Variants in OPCML observed in about 807,000 individuals in gnomAD.
The protein encoded by OPCML is opioid binding protein/cell adhesion molecule like, also known as opioid-binding protein/cell adhesion molecule.
OPCML carries 13 observed loss-of-function variants against 37.8 expected under a neutral mutation model. The observed-to-expected ratio is 0.34, with a 90% CI of 0.22 to 0.55. The LOEUF is 0.55. Among genes scored for constraint, OPCML ranks in the 20% least tolerant of loss-of-function variants. OPCML has a pLI of 0.91. For missense variants in OPCML, 341 were observed against 435.6 expected (o/e 0.78, Z 1.93); for synonymous variants, 176 against 168.8 (o/e 1.04, Z -0.33).
At chr11:133,441,980 CTAA>C (rs1027938856) in intron 1 of OPCML, among the ~76,000 whole-genome samples, 1 of 151,956 alleles carries the variant, frequency 6.6e-6, no homozygotes, top group African/African-American at 2.4e-5. Flanking sequence ...TAATAAAATG[CTAA>C]TAATAATAAT....
intron 4 of OPCML, among the ~76,000 whole-genome samples, chr11:132,471,344 TATTA>T (rs1177622546): frequency 2.0e-5 from 3 of 152,208 alleles, no homozygotes; most frequent in African/African-American, 7.2e-5. Context: ...CTCAGTTATC[TATTA>T]ATTATCTATT....
At chr11:132,715,387 C>T (rs553439025) in intron 2 of OPCML, among the ~76,000 whole-genome samples, 2 of 152,210 alleles carry the variant, frequency 1.3e-5, no homozygotes, top group African/African-American at 4.8e-5. Context: ...AACACAGACT[C>T]TGAAACTGGG....
intron 1 of OPCML, among the ~76,000 whole-genome samples, chr11:132,993,868 G>A (rs1946827626): frequency 6.6e-6 from 1 of 152,068 alleles, no homozygotes; most frequent in African/African-American, 2.4e-5. Context: ...ACTGCATTTT[G>A]AAATCCTTTC....
chr11:133,490,496 A>T (rs1166583340), intron 1 of OPCML, among the ~76,000 whole-genome samples: 1 of 152,174 alleles, frequency 6.6e-6, no homozygotes, highest in Non-Finnish European at 1.5e-5. Context: ...GTGAAGTAAA[A>T]CGAGGGTCAG....
At chr11:132,937,595 G>GGGGTGTGT (rs1480686802) in intron 2 of OPCML, among the ~76,000 whole-genome samples, 1 of 88,734 alleles carries the variant, frequency 1.1e-5, no homozygotes, top group African/African-American at 3.7e-5. Context: ...GCGTGTGTGG[G>GGGGTGTGT]GTGTGTGTGT....
chr11:132,714,231 A>G (rs1166202996), intron 2 of OPCML, among the ~76,000 whole-genome samples: 2 of 152,198 alleles, frequency 1.3e-5, no homozygotes, highest in African/African-American at 4.8e-5. Context: ...TTTCCTTAAG[A>G]TGTTAAGACA....
chr11:132,619,639 C>T (rs1212122979), intron 3 of OPCML, among the ~76,000 whole-genome samples: 5 of 150,136 alleles, frequency 3.3e-5, no homozygotes, highest in African/African-American at 1.2e-4. Flanking sequence ...GAGATCAAGA[C>T]CATCCTGGCT....
intron 3 of OPCML, among the ~76,000 whole-genome samples, chr11:132,579,086 C>A (rs1056692851): frequency 6.6e-6 from 1 of 152,080 alleles, no homozygotes; most frequent in African/African-American, 2.4e-5. Flanking sequence ...TTTTCTAGGG[C>A]AGACAGTAAT....
chr11:132,459,431 A>G (rs2096093232), intron 4 of OPCML, among the ~76,000 whole-genome samples: 2 of 150,142 alleles, frequency 1.3e-5, no homozygotes. Flanking sequence ...ATACATACAT[A>G]CATACATACA....
intron 4 of OPCML, among the ~76,000 whole-genome samples, chr11:132,485,774 A>T (rs868234812): frequency 5.3e-5 from 8 of 152,228 alleles, no homozygotes; most frequent in Non-Finnish European, 8.8e-5. Flanking sequence ...GGATGAATAC[A>T]GCATCATTTG....
At chr11:132,837,760 A>C (rs1941100464) in intron 2 of OPCML, among the ~76,000 whole-genome samples, 1 of 152,198 alleles carries the variant, frequency 6.6e-6, no homozygotes, top group African/African-American at 2.4e-5. Context: ...TCCATGAGGC[A>C]GACTGGATGG....
At chr11:133,092,543 G>A (rs1373263878) in intron 1 of OPCML, among the ~76,000 whole-genome samples, 1 of 152,016 alleles carries the variant, frequency 6.6e-6, no homozygotes, top group Non-Finnish European at 1.5e-5. Context: ...TGGCCAATAT[G>A]GTGAAACCCC....
intron 4 of OPCML, among the ~76,000 whole-genome samples, chr11:132,473,816 A>G (rs1479277189): frequency 1.3e-5 from 2 of 151,962 alleles, no homozygotes; most frequent in African/African-American, 4.8e-5. Context: ...ACAGAGTGAA[A>G]CTCTGTCACA....
intron 1 of OPCML, among the ~76,000 whole-genome samples, chr11:133,216,219 T>C (rs1456297054): frequency 5.9e-5 from 9 of 152,206 alleles, no homozygotes; most frequent in Admixed American, 5.2e-4. Flanking sequence ...GCAACTTTCT[T>C]AGGAAGTTCT....
intron 4 of OPCML, among the ~76,000 whole-genome samples, chr11:132,495,729 A>T (rs2096229121): frequency 6.6e-6 from 1 of 152,020 alleles, no homozygotes; most frequent in Non-Finnish European, 1.5e-5. Context: ...GTCTCCACTA[A>T]AAATACAAAA....
chr11:133,153,979 G>A (rs767829943), intron 1 of OPCML, among the ~76,000 whole-genome samples: 64 of 151,706 alleles, frequency 4.2e-4, no homozygotes, highest in Non-Finnish European at 6.9e-4. Context: ...CCACTTTTTG[G>A]TTGGAGGACC....
chr11:132,805,255 A>G (rs1938933293), intron 2 of OPCML, among the ~76,000 whole-genome samples: 1 of 152,222 alleles, frequency 6.6e-6, no homozygotes, highest in Non-Finnish European at 1.5e-5. Context: ...AAAGGATTTT[A>G]TGCAATTTTA....
intron 1 of OPCML, among the ~76,000 whole-genome samples, chr11:133,226,885 C>G (rs552426532): frequency 1.5e-4 from 23 of 152,170 alleles, no homozygotes; most frequent in Middle Eastern, 3.2e-3. Context: ...GAGAGAGAGT[C>G]CCTTGGCACC....
At chr11:132,831,741 A>T (rs1296893597) in intron 2 of OPCML, among the ~76,000 whole-genome samples, 1 of 144,272 alleles carries the variant, frequency 6.9e-6, no homozygotes, top group Non-Finnish European at 1.5e-5. Flanking sequence ...CCTCTCTTCA[A>T]GTTTCAAACA....
Sources: allele counts gnomAD v4.1 joint callset (sites outside exome capture counted in the v4.1 genomes callset), GRCh38; gene constraint gnomAD v4.1.1; transcripts MANE v1.5; gene names NCBI Gene and HGNC (gene_info 2026-07-23, HGNC 2026-07-21).